Variants in DDX60L observed in about 807,000 individuals in gnomAD.
DDX60L encodes probable ATP-dependent RNA helicase DDX60-like.
DDX60L carries 191 observed loss-of-function variants against 211.6 expected under a neutral mutation model. The ratio of observed to expected loss-of-function variants is 0.90; its 90% CI spans 0.80 to 1.02. The LOEUF (loss-of-function observed/expected upper bound fraction) is 1.02, where lower values mean the gene tolerates loss of function less well. DDX60L is among the 50% of genes least tolerant of loss of function. DDX60L has a pLI of 0.00. For missense variants in DDX60L, 2,007 were observed against 1,984.1 expected, an observed-to-expected ratio of 1.01 and a Z score of -0.22; for synonymous variants, 706 against 694.1, an observed-to-expected ratio of 1.02 and a Z score of -0.27.
intron 22 of DDX60L, among the ~76,000 whole-genome samples, chr4:168,407,945 A>C (rs181593267): frequency 6.6e-6 from 1 of 152,360 alleles, no homozygotes; most frequent in East Asian, 1.9e-4. Flanking sequence ...TATGCAACAT[A>C]AAGAATCATC....
At chr4:168,473,780 A>G (rs895747736) in intron 1 of DDX60L, among the ~76,000 whole-genome samples, 2 of 152,178 alleles carry the variant, frequency 1.3e-5, no homozygotes, top group African/African-American at 4.8e-5. Flanking sequence ...TCACTCCCAA[A>G]ATGAACTTTT....
At chr4:168,472,012 T>TAA in intron 3 of DDX60L, 76 bp from the exon 4 acceptor site, 1 of 1,233,276 alleles carries the variant, frequency 8.1e-7, no homozygotes, top group Non-Finnish European at 1.1e-6. Flanking sequence ...TTACTATTAT[T>TAA]GCATAAGCTA....
chr4:168,358,530 T>C (rs866324214), intron 37 of DDX60L, among the ~76,000 whole-genome samples: 1,504 of 139,034 alleles, frequency 0.011, 8 homozygotes, highest in Middle Eastern at 0.032. Context: ...TTTTCTTTTT[T>C]TTTTTTTTTT....
intron 20 of DDX60L, 106 bp from the exon 21 acceptor site, chr4:168,415,905 A>T: frequency 9.4e-7 from 1 of 1,063,952 alleles, no homozygotes; most frequent in South Asian, 2.3e-5. Flanking sequence ...AATTTAGAGC[A>T]TGCCCTCTCA....
chr4:168,406,554 T>C (rs968463109), intron 23 of DDX60L, 48 bp downstream of exon 23: 10 of 1,373,718 alleles, frequency 7.3e-6, no homozygotes, highest in Non-Finnish European at 9.1e-6. Flanking sequence ...TATTCTGGAA[T>C]AGCATTAACT....
intron 9 of DDX60L, 49 bp from the exon 10 acceptor site, chr4:168,441,541 G>A (rs902567067): frequency 1.4e-5 from 20 of 1,414,442 alleles, no homozygotes; most frequent in Admixed American, 2.2e-5. Context: ...TACACATGCA[G>A]ACACACACAG....
rs146638909 is a variant in DDX60L, at chr4:168,451,661, T to C, written c.996+1463A>G. On this transcript the variant is annotated intron_variant, in intron 8 of 37. Coordinates refer to ENST00000682922, the MANE Select transcript of DDX60L (RefSeq NM_001012967.3). The stretch of plus-strand genomic sequence containing the variant: ...TCTATGCACTTCAGCCAAAGAACTC[T>C]TAAACAAAAATGTCAATTTCAGCTT... Among the ~76,000 whole-genome samples the C allele has an allele frequency of 3.6e-3, 551 of 152,346 alleles. 5 individuals carry two copies. Among genetic ancestry groups the C allele is most frequent in the African/African-American group, 0.012 (510 of 41,570 alleles).
chr4:168,467,445 C>CAAA (rs199648164), intron 4 of DDX60L, among the ~76,000 whole-genome samples: 2,906 of 109,030 alleles, frequency 0.027, 80 homozygotes, highest in Middle Eastern at 0.066. Flanking sequence ...GTTTCCATTC[C>CAAA]AAAAAAAAAA....
At chr4:168,407,128 G>A (rs1747880039) in intron 22 of DDX60L, among the ~76,000 whole-genome samples, 1 of 152,106 alleles carries the variant, frequency 6.6e-6, no homozygotes, top group East Asian at 1.9e-4. Flanking sequence ...AATGTGTTTA[G>A]TGATGAAGAT....
rs141950675 is a variant in DDX60L, at chr4:168,441,293, G to C, written c.1294+44C>G. ...TATTAGGGCTTCTAAAAGTTGTTCAGGACAAACATGCTTTTGTTCCACTTT... is the reference window on the plus strand; with the variant it reads ...TATTAGGGCTTCTAAAAGTTGTTCACGACAAACATGCTTTTGTTCCACTTT... On this transcript the variant is annotated intron_variant, in intron 10 of 37. Coordinates refer to ENST00000682922, the MANE Select transcript of DDX60L (RefSeq NM_001012967.3). 1,089 of 1,525,578 alleles carry C rather than the reference G, an allele frequency of 7.1e-4. 13 individuals are homozygous for C. The African/African-American group carries it at 0.013, about 18-fold the overall frequency. 94.5% of individuals were successfully genotyped at this position (1,525,578 alleles called of 1,614,324 possible).
chr4:168,423,394 A>G (rs1187043778), intron 15 of DDX60L, among the ~76,000 whole-genome samples: 1 of 152,164 alleles, frequency 6.6e-6, no homozygotes, highest in Admixed American at 6.5e-5. Context: ...TTCAGGAAGC[A>G]TCTGTACAAA....
At chr4:168,425,849 T>A (rs964527704) in intron 14 of DDX60L, among the ~76,000 whole-genome samples, 3 of 152,192 alleles carry the variant, frequency 2.0e-5, no homozygotes, top group Non-Finnish European at 4.4e-5. Flanking sequence ...AAGTCAATAT[T>A]CAGGAAACTA....
chr4:168,462,028 C>A lies in DDX60L; in HGVS notation c.277G>T (p.Ala93Ser), dbSNP rs1184922641. Reference sequence around the variant, plus strand: ...AGAAGTTCAGGAAAATCAAAATATGCATATTCAGCATCCTGTGGTGAGAAA... The same window carrying A: ...AGAAGTTCAGGAAAATCAAAATATGAATATTCAGCATCCTGTGGTGAGAAA... ...TIVFFKDAEY[A>S]YFDFPELLSL... Residue 93 changes from alanine to serine, a missense_variant, in exon 5 of 38, where the codon GCA (alanine) becomes TCA (serine). Transcript: ENST00000682922. 6.3e-6 allele frequency: 10 copies of A among 1,599,092 alleles called. No individual in the cohort carries two copies. The highest frequency in any genetic ancestry group is 8.5e-6 in the Non-Finnish European group (10 of 1,170,464).
intron 29 of DDX60L, among the ~76,000 whole-genome samples, chr4:168,388,942 C>T (rs935738775): frequency 6.6e-6 from 1 of 152,194 alleles, no homozygotes; most frequent in African/African-American, 2.4e-5. Flanking sequence ...AGAGCAATCC[C>T]AGGAGTATGC....
At chr4:168,478,639 A>G (rs964143886) in intron 1 of DDX60L, among the ~76,000 whole-genome samples, 13 of 152,244 alleles carry the variant, frequency 8.5e-5, no homozygotes, top group African/African-American at 3.1e-4. Flanking sequence ...GATAATTAAC[A>G]TGGGTATTTT....
intron 22 of DDX60L, among the ~76,000 whole-genome samples, chr4:168,412,119 T>C (rs895924000): frequency 2.6e-5 from 4 of 151,872 alleles, no homozygotes; most frequent in African/African-American, 9.7e-5. Flanking sequence ...GGGGTGATAC[T>C]CTGAGGCATG....
chr4:168,400,186 G>A (rs1230386107), intron 26 of DDX60L, among the ~76,000 whole-genome samples: 6 of 152,150 alleles, frequency 3.9e-5, no homozygotes, highest in African/African-American at 1.4e-4. Flanking sequence ...TCCCTGTAAA[G>A]GACATAATCT....
intron 1 of DDX60L, 105 bp from the exon 2 acceptor site, chr4:168,472,914 CAA>C: frequency 1.8e-6 from 1 of 551,562 alleles, no homozygotes; most frequent in South Asian, 2.5e-5. Context: ...AGTAAATAAG[CAA>C]AGATTGATCA....
chr4:168,417,900 T>A (rs2149853133), intron 19 of DDX60L, among the ~76,000 whole-genome samples: 1 of 152,286 alleles, frequency 6.6e-6, no homozygotes, highest in East Asian at 1.9e-4. Flanking sequence ...TATTTTCATA[T>A]CCCTTCTGAC....
Sources: gnomAD v4.1 joint callset for allele counts (sites outside exome capture counted in the v4.1 genomes callset) on GRCh38, gnomAD v4.1.1 for gene constraint, MANE v1.5 for transcripts, NCBI Gene and HGNC (gene_info 2026-07-23, HGNC 2026-07-21) for gene names.